Variants in BLACAT1 observed in about 807,000 individuals in gnomAD.
The protein encoded by BLACAT1 is BLACAT1 overlapping LEMD1 locus.
At chr1:205,453,657 A>T (rs961148679) in intron 1 of BLACAT1, among the ~76,000 whole-genome samples, 1 of 152,092 alleles carries the variant, frequency 6.6e-6, no homozygotes, top group Non-Finnish European at 1.5e-5. Context: ...GGGGCAGGAG[A>T]GCAAACACGG....
At chr1:205,438,457 T>C (rs1239026958), downstream of BLACAT1, among the ~76,000 whole-genome samples, 7 of 152,230 alleles carry the variant, frequency 4.6e-5, no homozygotes, top group African/African-American at 1.7e-4. Flanking sequence ...CTGCGAATGC[T>C]GGGGCTGCTT....
chr1:205,451,997 C>T (rs114349493), intron 1 of BLACAT1, among the ~76,000 whole-genome samples: 1,763 of 152,116 alleles, frequency 0.012, 41 homozygotes, highest in African/African-American at 0.04. Flanking sequence ...AGAGGTGGAG[C>T]ACAGGCAGAA....
At chr1:205,453,727 A>G (rs913360709) in intron 1 of BLACAT1, among the ~76,000 whole-genome samples, 1 of 152,158 alleles carries the variant, frequency 6.6e-6, no homozygotes. Flanking sequence ...CTGATCTCCA[A>G]TAAGCTCCAA....
chr1:205,439,528 A>G (rs1176180039), downstream of BLACAT1, among the ~76,000 whole-genome samples: 3 of 152,216 alleles, frequency 2.0e-5, no homozygotes, highest in Non-Finnish European at 2.9e-5. Context: ...TGGGCGAACC[A>G]GCCGAGGAAG....
intron 1 of BLACAT1, among the ~76,000 whole-genome samples, chr1:205,445,283 A>G (rs1666368567): frequency 6.6e-6 from 1 of 152,202 alleles, no homozygotes; most frequent in Non-Finnish European, 1.5e-5. Flanking sequence ...GTAGTCTACA[A>G]GACCGTGTTG....
At chr1:205,443,633 C>T (rs1666333918) in intron 1 of BLACAT1, among the ~76,000 whole-genome samples, 1 of 152,266 alleles carries the variant, frequency 6.6e-6, no homozygotes, top group African/African-American at 2.4e-5. Context: ...TAAACAGGGC[C>T]TGGTTATTCT....
chr1:205,447,553 C>G (rs1429028213), intron 1 of BLACAT1, among the ~76,000 whole-genome samples: 2 of 151,926 alleles, frequency 1.3e-5, no homozygotes, highest in African/African-American at 2.4e-5. Context: ...GATGGGAGGG[C>G]TAAAATCAGG....
At chr1:205,446,891 C>G (rs1666398188) in intron 1 of BLACAT1, among the ~76,000 whole-genome samples, 1 of 152,218 alleles carries the variant, frequency 6.6e-6, no homozygotes, top group South Asian at 2.1e-4. Context: ...ACCCAGCTGG[C>G]TTGGGATTTC....
exon 2 of BLACAT1, chr1:205,440,895 G>C (rs1368139348): frequency 1.3e-5 from 2 of 152,350 alleles, no homozygotes; most frequent in African/African-American, 2.4e-5. Flanking sequence ...GGGACCTGCT[G>C]GGGGCTTGAT....
Position 205,448,186 on chromosome 1 carries a change from CG to C in BLACAT1, c.-36-7125del, listed in dbSNP as rs1666435665. Reference sequence around the variant, plus strand: ...GGGCCAAGGTCACACGGCTTAGCCCCGATCCCAGGTTACCAGATCCCGTGAT... The same window carrying C: ...GGGCCAAGGTCACACGGCTTAGCCCCATCCCAGGTTACCAGATCCCGTGAT... On this transcript the variant is annotated intron_variant, in intron 1 of 1. Coordinates refer to ENST00000629624, the Ensembl canonical transcript of BLACAT1. This position sits in a 1 kb window ranked among gnomAD's most constrained non-coding sequence, Gnocchi z 4.7. 24 of 436,042 alleles carry C rather than the reference CG, an allele frequency of 5.5e-5. No individual in the cohort carries two copies. Among genetic ancestry groups the C allele is most frequent in the South Asian group, 3.9e-4 (23 of 58,650 alleles). The allele number at this position is 436,042 out of a possible 1,614,324, so 27.0% of individuals were successfully genotyped here.
At chr1:205,444,131 T>TCC (rs35005929) in intron 1 of BLACAT1, among the ~76,000 whole-genome samples, 1 of 150,780 alleles carries the variant, frequency 6.6e-6, no homozygotes, top group Non-Finnish European at 1.5e-5. Context: ...CCTCCCATCC[T>TCC]CCCCCTCCTT....
intron 1 of BLACAT1, among the ~76,000 whole-genome samples, chr1:205,443,486 A>C (rs1029985160): frequency 6.6e-6 from 1 of 152,124 alleles, no homozygotes; most frequent in African/African-American, 2.4e-5. Context: ...CAGAACCTAC[A>C]CATCAGAGGA....
Position 205,454,123 on chromosome 1 carries a change from T to G in BLACAT1, c.-37+1794A>C, listed in dbSNP as rs535135233. Among the ~76,000 whole-genome samples the G allele has an allele frequency of 5.9e-5, 9 of 152,212 alleles. No individual in the cohort carries two copies. In the South Asian group the frequency reaches 6.2e-4, roughly 11 times the overall value. On this transcript the variant is annotated intron_variant, in intron 1 of 1. Transcript: ENST00000629624. ...TGGCTTCAGGGACACCACTCATTTA[T>G]CAAATATGCACCGAGCACAGACAGT...
At position 205,450,141 on chromosome 1, in the gene BLACAT1, GCCAGGTATT is replaced by G; in HGVS notation, c.-37+5767_-37+5775del. Among the ~76,000 whole-genome samples the G allele has an allele frequency of 6.6e-6, 1 of 152,226 alleles. No individual in the cohort carries two copies. The highest frequency in any genetic ancestry group is 3.4e-3 in the Middle Eastern group (1 of 294). On this transcript the variant is annotated intron_variant, in intron 1 of 1. Transcript: ENST00000629624. This position sits in a 1 kb window ranked among gnomAD's most constrained non-coding sequence, Gnocchi z 4.4. ...GGGGGCGGGCTGGGCAGGCGGGGCA[GCCAGGTATT>G]CCTTCAACCCTGACTTGGGCCTGAG...
chr1:205,455,279 C>T (rs1331896241), intron 1 of BLACAT1, among the ~76,000 whole-genome samples: 3 of 152,146 alleles, frequency 2.0e-5, no homozygotes, highest in Non-Finnish European at 2.9e-5. Context: ...CCCACAGACA[C>T]AATGGCTAGG....
downstream of BLACAT1, among the ~76,000 whole-genome samples, chr1:205,438,144 C>G (rs1666237329): frequency 6.6e-6 from 1 of 152,224 alleles, no homozygotes; most frequent in Non-Finnish European, 1.5e-5. Flanking sequence ...TTCCATTCAG[C>G]AGCCTGAAGC....
chr1:205,439,910 T>G (rs1332400385), downstream of BLACAT1, among the ~76,000 whole-genome samples: 4 of 148,996 alleles, frequency 2.7e-5, no homozygotes, highest in South Asian at 2.1e-4. Context: ...GCTTCCTACC[T>G]CCTGGAAATG....
At chr1:205,443,693 CAGGGTCTCTAAA>C (rs1396457827) in intron 1 of BLACAT1, among the ~76,000 whole-genome samples, 1 of 152,232 alleles carries the variant, frequency 6.6e-6, no homozygotes, top group East Asian at 1.9e-4. Flanking sequence ...TCTTCTCTAA[CAGGGTCTCTAAA>C]AGGGTCCTCA....
At chr1:205,438,571 G>C (rs1467697288), downstream of BLACAT1, among the ~76,000 whole-genome samples, 1 of 152,226 alleles carries the variant, frequency 6.6e-6, no homozygotes, top group African/African-American at 2.4e-5. Flanking sequence ...CCATTTTCCT[G>C]AGAAGGAAAC....
Sources: gnomAD v4.1 joint callset for allele counts (sites outside exome capture counted in the v4.1 genomes callset) on GRCh38, gnomAD v4.1.1 for gene constraint, Gnocchi (gnomAD v3.1) non-coding constraint, MANE v1.5 for transcripts, NCBI Gene and HGNC (gene_info 2026-07-23, HGNC 2026-07-21) for gene names.